ROS1: variants seen among roughly 807,000 people sequenced by gnomAD.
ROS1 encodes the protein ROS proto-oncogene 1, receptor tyrosine kinase, also known as proto-oncogene tyrosine-protein kinase ROS.
ROS1 carries 263 observed loss-of-function variants against 273.5 expected under a neutral mutation model. The ratio of observed to expected loss-of-function variants is 0.96; its 90% CI spans 0.87 to 1.06. The LOEUF is 1.06. Among genes scored for constraint, ROS1 ranks in the 50% least tolerant of loss-of-function variants. ROS1 has a pLI of 0.00. For synonymous variants in ROS1, 1,008 were observed against 954.1 expected, an observed-to-expected ratio of 1.06 and a Z score of -1.04; for missense variants, 2,833 against 2,751.1, an observed-to-expected ratio of 1.03 and a Z score of -0.67.
intron 5 of ROS1, 62 bp downstream of exon 5, chr6:117,409,520 C>CAT (rs1774723158): frequency 1.7e-6 from 2 of 1,163,650 alleles, no homozygotes; most frequent in Non-Finnish European, 2.6e-6. Context: ...GTTATCTTTA[C>CAT]ATAAGTACAA....
chr6:117,362,671 T>G lies in ROS1; in HGVS notation c.3298A>C (p.Asn1100His), dbSNP rs1452738796. The change falls in exon 22 of 44, where the codon AAT (asparagine) becomes CAT (histidine). Residue 1100 changes from asparagine (N) to histidine (H), a missense_variant. Asn to His is a moderately conservative substitution (Grantham distance 68). Coordinates refer to ENST00000368507, the MANE Select transcript of ROS1 (RefSeq NM_001378902.1). ...NKTCEDWIAV[N>H]VTPSVMSFQL... ...AAAGACATCACTGAGGGAGTGACAT[T>G]GACAGCAATCCAGTCTTCACATGTT... is the stretch of plus-strand genomic sequence containing the variant. 9 of 1,613,280 alleles carry G rather than the reference T, an allele frequency of 5.6e-6. No individual in the cohort carries two copies. Among genetic ancestry groups the G allele is most frequent in the Non-Finnish European group, 7.6e-6 (9 of 1,179,450 alleles).
At chr6:117,424,196 A>T (rs1005336198) in intron 1 of ROS1, among the ~76,000 whole-genome samples, 1 of 152,180 alleles carries the variant, frequency 6.6e-6, no homozygotes. Context: ...ATAATGGAAT[A>T]CTCTAAAGAT....
At chr6:117,356,493 G>T (rs1007749953) in intron 26 of ROS1, 136 bp downstream of exon 26, 1 of 735,410 alleles carries the variant, frequency 1.4e-6, no homozygotes, top group Non-Finnish European at 2.0e-6. Context: ...TTTGAATTCT[G>T]CAAGAACACT....
chr6:117,307,442 G>C (rs1163839623), intron 42 of ROS1, among the ~76,000 whole-genome samples: 2 of 152,120 alleles, frequency 1.3e-5, no homozygotes, highest in Non-Finnish European at 2.9e-5. Flanking sequence ...ACAGTGATTA[G>C]TTTGTAAATA....
In ROS1 at chr6:117,387,959, A is replaced by G; in HGVS notation, c.1820T>C (p.Val607Ala). The G allele has an allele frequency of 6.2e-7, 1 of 1,614,106 alleles. No homozygotes were observed. The highest frequency in any genetic ancestry group is 8.5e-7 in the Non-Finnish European group (1 of 1,179,986). Reference sequence around the variant, plus strand: ...AGGAGGGTCTTGGGTGGATACTTTCACCTCATAGGTCCAGTTCTGCCAGGC... The same window carrying G: ...AGGAGGGTCTTGGGTGGATACTTTCGCCTCATAGGTCCAGTTCTGCCAGGC... ...PSAWQNWTYE[V>A]KVSTQDPPEV... is the part of the protein sequence containing the mutation. Residue 607 changes from valine to alanine, a missense_variant, in exon 14 of 44, where the codon GTG becomes GCG. Val to Ala is a moderately conservative substitution (Grantham distance 64). Transcript: ENST00000368507.
At chr6:117,390,507 T>C (rs1351388811) in intron 12 of ROS1, among the ~76,000 whole-genome samples, 3 of 152,184 alleles carry the variant, frequency 2.0e-5, no homozygotes, top group Admixed American at 6.5e-5. Context: ...CTATCAAACA[T>C]TTTCCTCCAA....
At chr6:117,363,119 A>G (rs1389674073) in intron 21 of ROS1, among the ~76,000 whole-genome samples, 5 of 152,142 alleles carry the variant, frequency 3.3e-5, no homozygotes, top group Admixed American at 1.3e-4. Flanking sequence ...AATCCTTCCT[A>G]CTACCACTTA....
At chr6:117,339,406 C>A (rs1442233417) in intron 31 of ROS1, among the ~76,000 whole-genome samples, 1 of 152,086 alleles carries the variant, frequency 6.6e-6, no homozygotes, top group Admixed American at 6.6e-5. Flanking sequence ...CAAAGTTTAT[C>A]ATTTTCTTCC....
At chr6:117,379,038 C>A (rs1726786798) in intron 18 of ROS1, 21 bp downstream of exon 18, 1 of 1,425,668 alleles carries the variant, frequency 7.0e-7, no homozygotes, top group African/African-American at 1.4e-5. Flanking sequence ...CAATCAATTG[C>A]CTTTGAGGGA....
chr6:117,318,090 T>A, intron 38 of ROS1, 98 bp downstream of exon 38: 2 of 844,902 alleles, frequency 2.4e-6, no homozygotes, highest in East Asian at 5.2e-5. Flanking sequence ...GTTGTTTTAG[T>A]CATGATCCGT....
rs559722240 is a variant in ROS1 at position 117,367,156 on chromosome 6, A to G, written c.2583-866T>C. ...ACCAATCAATGCAATAAATTAGCCT[A>G]TAGATGTGAAGTTAGCCTACGGATG... On this transcript the variant is annotated intron_variant, in intron 18 of 43. Transcript: ENST00000368507. 1.7e-4 allele frequency among the ~76,000 whole-genome samples: 26 copies of G among 152,324 alleles called. 1 individual carries two copies. The South Asian group carries it at 5.4e-3, about 32-fold the overall frequency.
intron 43 of ROS1, chr6:117,299,298 ATGTC>A (rs1194731807): frequency 6.6e-6 from 1 of 152,186 alleles, no homozygotes; most frequent in African/African-American, 2.4e-5. Context: ...AGACAAGTAG[ATGTC>A]TGTCCATGGG....
intron 27 of ROS1, among the ~76,000 whole-genome samples, chr6:117,346,683 C>A (rs567993712): frequency 1.3e-5 from 2 of 152,104 alleles, no homozygotes; most frequent in South Asian, 2.1e-4. Flanking sequence ...GCATAACTTT[C>A]CCCCATTATC....
chr6:117,324,290 TA>T, intron 35 of ROS1, 41 bp downstream of exon 35: 2 of 900,086 alleles, frequency 2.2e-6, no homozygotes, highest in Non-Finnish European at 1.8e-6. Context: ...TATGATTAAG[TA>T]AACAGTTTGT....
chr6:117,377,407 G>T (rs959559293), intron 18 of ROS1, among the ~76,000 whole-genome samples: 1 of 151,818 alleles, frequency 6.6e-6, no homozygotes, highest in Non-Finnish European at 1.5e-5. Flanking sequence ...CACCACGCCC[G>T]GCCCAAATTA....
chr6:117,410,595 C>A (rs1374287690), intron 4 of ROS1, among the ~76,000 whole-genome samples: 1 of 152,192 alleles, frequency 6.6e-6, no homozygotes, highest in Non-Finnish European at 1.5e-5. Context: ...CACACACATA[C>A]TTGCAGAAAA....
At chr6:117,294,332 T>A (rs1319106746) in intron 43 of ROS1, among the ~76,000 whole-genome samples, 1 of 151,942 alleles carries the variant, frequency 6.6e-6, no homozygotes, top group Non-Finnish European at 1.5e-5. Flanking sequence ...GGAAAGAAAA[T>A]AAAAAGGCAT....
chr6:117,423,076 C>T (rs539045853), intron 1 of ROS1, among the ~76,000 whole-genome samples: 17 of 151,692 alleles, frequency 1.1e-4, no homozygotes, highest in Non-Finnish European at 1.5e-4. Context: ...AACCAAACAT[C>T]GTATGTTCTC....
intron 27 of ROS1, 105 bp downstream of exon 27, chr6:117,352,885 G>A (rs1356732052): frequency 3.0e-6 from 3 of 997,114 alleles, no homozygotes; most frequent in East Asian, 2.4e-5. Context: ...AAGGATGAGA[G>A]CACAACAAAG....
Sources: allele counts gnomAD v4.1 joint callset (sites outside exome capture counted in the v4.1 genomes callset), GRCh38; gene constraint gnomAD v4.1.1; transcripts MANE v1.5; gene names NCBI Gene and HGNC (gene_info 2026-07-23, HGNC 2026-07-21).